The following COLQ variants were observed in gnomAD, a reference collection of about 807,000 sequenced individuals.
COLQ encodes collagen like tail subunit of asymmetric acetylcholinesterase.
Under a neutral mutation model 69.0 loss-of-function variants are expected in COLQ, and 48 were observed. The observed-to-expected ratio is 0.70, with a 90% CI of 0.55 to 0.88. COLQ has a LOEUF of 0.88. Among genes scored for constraint, COLQ ranks in the 40% least tolerant of loss-of-function variants. The pLI is 0.00. For missense variants in COLQ, 618 were observed against 594.6 expected, an observed-to-expected ratio of 1.04 and a Z score of -0.41; for synonymous variants, 217 against 211.2, an observed-to-expected ratio of 1.03 and a Z score of -0.24.
At chr3:15,460,947 G>A (rs2062102906) in intron 12 of COLQ, among the ~76,000 whole-genome samples, 1 of 152,174 alleles carries the variant, frequency 6.6e-6, no homozygotes, top group African/African-American at 2.4e-5. Context: ...TGGCCTGAGA[G>A]ACAGTCAGGA....
chr3:15,459,574 G>T (rs2062076149), intron 12 of COLQ, among the ~76,000 whole-genome samples: 1 of 151,024 alleles, frequency 6.6e-6, no homozygotes, highest in South Asian at 2.1e-4. Flanking sequence ...CGCCTCTCAG[G>T]TTCAAGTGAT....
At chr3:15,465,610 C>CTTTTTTT (rs71045163) in intron 12 of COLQ, among the ~76,000 whole-genome samples, 1 of 94,754 alleles carries the variant, frequency 1.1e-5, no homozygotes, top group African/African-American at 4.7e-5. Flanking sequence ...CTTTCTACAT[C>CTTTTTTT]TTTTTTTTTT....
At chr3:15,452,939 T>C (rs1190383514) in intron 16 of COLQ, among the ~76,000 whole-genome samples, 2 of 151,440 alleles carry the variant, frequency 1.3e-5, no homozygotes, top group African/African-American at 2.4e-5. Context: ...CAAGAGAAAA[T>C]GGGATGGGAG....
intron 3 of COLQ, among the ~76,000 whole-genome samples, chr3:15,481,806 G>A (rs943935770): frequency 6.6e-6 from 1 of 152,298 alleles, no homozygotes; most frequent in South Asian, 2.1e-4. Context: ...ACCTTGGGCA[G>A]TATGGCCATT....
In COLQ at chr3:15,459,413, G is replaced by C. The variant is rs1223762113; in HGVS notation, c.815-1088C>G. Reference sequence around the variant, plus strand: ...ACTTCTGAAAACTGAACTGAACCTAGGCAGCATCCACACTTTTATTTATTT... The same window carrying C: ...ACTTCTGAAAACTGAACTGAACCTACGCAGCATCCACACTTTTATTTATTT... On this transcript the variant is annotated intron_variant, in intron 12 of 16. Coordinates refer to ENST00000383788, the MANE Select transcript of COLQ (RefSeq NM_005677.4). 2.0e-5 allele frequency among the ~76,000 whole-genome samples: 3 copies of C among 151,698 alleles called. No individual in the cohort carries two copies. In the South Asian group the frequency reaches 6.3e-4, roughly 32 times the overall value.
chr3:15,501,126 A>G (rs1251654330), intron 1 of COLQ, among the ~76,000 whole-genome samples: 1 of 152,050 alleles, frequency 6.6e-6, no homozygotes, highest in African/African-American at 2.4e-5. Context: ...CACCACGGCA[A>G]GAGCTGCCTG....
chr3:15,460,439 G>A (rs1193434347), intron 12 of COLQ, among the ~76,000 whole-genome samples: 1 of 152,194 alleles, frequency 6.6e-6, no homozygotes, highest in Non-Finnish European at 1.5e-5. Flanking sequence ...GGAAAATAGC[G>A]AGGGGTGGGT....
At chr3:15,465,881 A>G (rs1243148843) in intron 12 of COLQ, among the ~76,000 whole-genome samples, 1 of 152,188 alleles carries the variant, frequency 6.6e-6, no homozygotes, top group East Asian at 1.9e-4. Context: ...CTGAAATAAC[A>G]GGCGTGAGCC....
In COLQ at chr3:15,466,341, C is replaced by A; in HGVS notation, c.814G>T (p.Gly272Ter). ...TCAAGTGAAGCAGTGTAGCTCTTAC[C>A]TGCAGGTGGGGGGCCTGGGGGCCCC... Reference protein sequence around the residue: ...RPGPPGPPPAGQLIMGPKGER... With the variant: ...RPGPPGPPPA The change falls in exon 12 of 17, where the codon GGA becomes TGA. Residue 272 changes from glycine to a stop codon, truncating the protein, a stop_gained and splice_region_variant. Transcript: ENST00000383788. LOFTEE classifies it high-confidence loss of function. The A allele has an allele frequency of 6.2e-7, 1 of 1,612,362 alleles. No individual in the cohort carries two copies. The highest frequency in any genetic ancestry group is 8.5e-7 in the Non-Finnish European group (1 of 1,178,516).
Position 15,474,930 on chromosome 3 carries a change from C to A in COLQ, c.550G>T (p.Glu184Ter). Residue 184 changes from glutamate (E) to a stop codon, truncating the protein, a stop_gained, in exon 8 of 17, where the codon GAA (glutamate) becomes TAA (stop). Coordinates refer to ENST00000383788, the MANE Select transcript of COLQ (RefSeq NM_005677.4). LOFTEE classifies it high-confidence loss of function. ...CATCCAAGAAAAGCACTAACCTTTT[C>A]CCCTCTGGATCCAGGGTAGCCCTAA... ...GSKGYPGSRG[E>*]KGSRGEKGDL... 6.2e-7 allele frequency: 1 copy of A among 1,614,128 alleles called. No individual in the cohort carries two copies. Among genetic ancestry groups the A allele is most frequent in the Non-Finnish European group, 8.5e-7 (1 of 1,179,992 alleles).
chr3:15,487,742 G>A (rs905364959), intron 3 of COLQ, among the ~76,000 whole-genome samples: 1 of 152,178 alleles, frequency 6.6e-6, no homozygotes, highest in African/African-American at 2.4e-5. Flanking sequence ...AGCTTTGGTG[G>A]GGAGGGGTGG....
chr3:15,467,961 G>C (rs1172824246), intron 11 of COLQ: 1 of 456,620 alleles, frequency 2.2e-6, no homozygotes, highest in African/African-American at 2.0e-5. Context: ...CATGTTTATG[G>C]AGGGAGTTCT....
intron 3 of COLQ, among the ~76,000 whole-genome samples, chr3:15,482,695 G>T (rs978831594): frequency 6.6e-6 from 1 of 152,176 alleles, no homozygotes; most frequent in Non-Finnish European, 1.5e-5. Context: ...TCTCTGCCAG[G>T]CTTTGGTATC....
chr3:15,456,980 G>T (rs1219966781), intron 13 of COLQ, among the ~76,000 whole-genome samples: 1 of 151,946 alleles, frequency 6.6e-6, no homozygotes, highest in Non-Finnish European at 1.5e-5. Context: ...GCACCACAAT[G>T]CCTGGCTAAC....
In COLQ at chr3:15,476,621, G is replaced by A. The variant is rs1428347919; in HGVS notation, c.465+505C>T. Among the ~76,000 whole-genome samples, 6 of 152,144 alleles carry A rather than the reference G, an allele frequency of 3.9e-5. 1 individual carries two copies. The South Asian group carries it at 1.0e-3, about 26-fold the overall frequency. ...AACCCTCTAGTCTATGACTACTAGT[G>A]GGAAAAACAGAGGCACAGATGGGGA... On this transcript the variant is annotated intron_variant, in intron 6 of 16. Transcript: ENST00000383788.
chr3:15,510,390 C>T (rs2062969054), intron 1 of COLQ, among the ~76,000 whole-genome samples: 1 of 151,974 alleles, frequency 6.6e-6, no homozygotes, highest in African/African-American at 2.4e-5. Flanking sequence ...CTCCATTTTA[C>T]AGATGTGGAA....
chr3:15,511,501 C>T (rs1206078247), intron 1 of COLQ, among the ~76,000 whole-genome samples: 2 of 152,182 alleles, frequency 1.3e-5, no homozygotes, highest in East Asian at 3.9e-4. Flanking sequence ...CTCGGCCCTT[C>T]AATCCTCACT....
chr3:15,518,200 C>T (rs1484995306), intron 1 of COLQ, among the ~76,000 whole-genome samples: 4 of 152,210 alleles, frequency 2.6e-5, no homozygotes, highest in African/African-American at 4.8e-5. Context: ...CCCACCTCAG[C>T]CTCCCAAAGT....
intron 3 of COLQ, among the ~76,000 whole-genome samples, chr3:15,479,889 C>T (rs1189071755): frequency 6.6e-6 from 1 of 152,146 alleles, no homozygotes; most frequent in Non-Finnish European, 1.5e-5. Flanking sequence ...TAATTTTTGC[C>T]TTTCTTCAGC....
Sources: gnomAD v4.1 joint callset for allele counts (sites outside exome capture counted in the v4.1 genomes callset) on GRCh38, gnomAD v4.1.1 for gene constraint, MANE v1.5 for transcripts, NCBI Gene and HGNC (gene_info 2026-07-23, HGNC 2026-07-21) for gene names.